Variants in CDYL2 observed in about 807,000 individuals in gnomAD.
CDYL2 encodes the protein chromodomain Y-like protein 2.
Under a neutral mutation model 49.4 loss-of-function variants are expected in CDYL2, and 23 were observed. The observed-to-expected ratio is 0.47, with a 90% CI of 0.34 to 0.66. The LOEUF (loss-of-function observed/expected upper bound fraction) is 0.66, where lower values mean the gene tolerates loss of function less well. Ranked by LOEUF, CDYL2 falls within the 30% of genes least tolerant of loss-of-function variation. The probability of loss-of-function intolerance (pLI) is 0.01; values close to 1 mark genes in which losing one functional copy is unlikely to be tolerated. For synonymous variants in CDYL2, 360 were observed against 268.8 expected (o/e 1.34, Z -3.32); for missense variants, 678 against 656.4 (o/e 1.03, Z -0.36).
At chr16:80,683,634 C>T (rs1910057588) in intron 2 of CDYL2, among the ~76,000 whole-genome samples, 1 of 152,170 alleles carries the variant, frequency 6.6e-6, no homozygotes, top group Non-Finnish European at 1.5e-5. Context: ...TATGTTCTGC[C>T]AAATTTCATA....
chr16:80,691,892 A>C (rs1237242808), intron 1 of CDYL2, among the ~76,000 whole-genome samples: 1 of 152,204 alleles, frequency 6.6e-6, no homozygotes, highest in South Asian at 2.1e-4. Flanking sequence ...GAGAAAACGC[A>C]AGCAAGGGAA....
chr16:80,693,146 G>T (rs889172029), intron 1 of CDYL2, among the ~76,000 whole-genome samples: 3 of 151,528 alleles, frequency 2.0e-5, no homozygotes, highest in Non-Finnish European at 4.4e-5. Flanking sequence ...GCGGGGTGGG[G>T]GTGAGAGTGA....
chr16:80,661,819 G>C (rs1909055551), intron 2 of CDYL2, among the ~76,000 whole-genome samples: 2 of 152,172 alleles, frequency 1.3e-5, no homozygotes, highest in African/African-American at 4.8e-5. Flanking sequence ...CCTGCTTGAA[G>C]ACCCTACCAG....
chr16:80,718,393 A>G (rs1292931457), intron 1 of CDYL2, among the ~76,000 whole-genome samples: 6 of 152,190 alleles, frequency 3.9e-5, no homozygotes, highest in Admixed American at 6.5e-5. Flanking sequence ...CCTCACATCA[A>G]CCCACTGAAG....
chr16:80,758,093 A>G (rs1331618173), intron 1 of CDYL2, among the ~76,000 whole-genome samples: 1 of 152,188 alleles, frequency 6.6e-6, no homozygotes, highest in African/African-American at 2.4e-5. Context: ...AAAAAAATCA[A>G]AAGTCCAGAA....
At chr16:80,617,391 A>T (rs1906878988) in intron 4 of CDYL2, among the ~76,000 whole-genome samples, 1 of 152,242 alleles carries the variant, frequency 6.6e-6, no homozygotes, top group African/African-American at 2.4e-5. Flanking sequence ...TTCTTTCACA[A>T]GAGACTTCTT....
chr16:80,707,675 G>A (rs765697533), intron 1 of CDYL2, among the ~76,000 whole-genome samples: 6 of 152,094 alleles, frequency 3.9e-5, no homozygotes, highest in African/African-American at 1.4e-4. Context: ...CAGATCCAAT[G>A]CTTAAGTCAT....
intron 1 of CDYL2, among the ~76,000 whole-genome samples, chr16:80,687,174 C>G (rs943241477): frequency 6.6e-6 from 1 of 152,222 alleles, no homozygotes; most frequent in Non-Finnish European, 1.5e-5. Context: ...CCTGAAACAG[C>G]AGCATTTGTG....
chr16:80,759,540 G>C (rs1025305498), intron 1 of CDYL2, among the ~76,000 whole-genome samples: 1 of 152,066 alleles, frequency 6.6e-6, no homozygotes, highest in Non-Finnish European at 1.5e-5. Context: ...TGAATCAGTG[G>C]GCAGGAAAAG....
intron 1 of CDYL2, among the ~76,000 whole-genome samples, chr16:80,801,598 A>G (rs1374593442): frequency 3.3e-5 from 5 of 152,250 alleles, no homozygotes; most frequent in Non-Finnish European, 5.9e-5. Context: ...TCTTGAGTAG[A>G]GATTGCGAGA....
At chr16:80,792,738 C>T (rs1213169327) in intron 1 of CDYL2, among the ~76,000 whole-genome samples, 1 of 152,086 alleles carries the variant, frequency 6.6e-6, no homozygotes, top group East Asian at 1.9e-4. Flanking sequence ...TTTTCAGGGT[C>T]GATGTGCCCA....
intron 1 of CDYL2, among the ~76,000 whole-genome samples, chr16:80,789,975 C>T (rs1907557933): frequency 6.6e-6 from 1 of 152,120 alleles, no homozygotes; most frequent in Non-Finnish European, 1.5e-5. Context: ...ATGATGGCTA[C>T]ACTAGAAACG....
chr16:80,781,162 T>C (rs1163428332), intron 1 of CDYL2, among the ~76,000 whole-genome samples: 2 of 152,092 alleles, frequency 1.3e-5, no homozygotes, highest in Non-Finnish European at 2.9e-5. Flanking sequence ...ACAATACACA[T>C]CACATCAGAA....
In CDYL2 at chr16:80,665,177, A is replaced by T. The variant is rs140823655; in HGVS notation, c.616+19361T>A. On this transcript the variant is annotated intron_variant, in intron 2 of 6. Coordinates refer to ENST00000570137, the MANE Select transcript of CDYL2 (RefSeq NM_152342.4). ...TTTTCTACAAATCTTCTTAATTAAAATATAGTTCTCACTGTCTAGAACACT... is the reference window on the plus strand; with the variant it reads ...TTTTCTACAAATCTTCTTAATTAAATTATAGTTCTCACTGTCTAGAACACT... 4.1e-3 allele frequency among the ~76,000 whole-genome samples: 620 copies of T among 152,276 alleles called. 4 individuals carry two copies. The highest frequency in any genetic ancestry group is 0.014 in the African/African-American group (594 of 41,540).
At chr16:80,760,782 G>T (rs182523868) in intron 1 of CDYL2, among the ~76,000 whole-genome samples, 1 of 151,708 alleles carries the variant, frequency 6.6e-6, no homozygotes, top group East Asian at 1.9e-4. Context: ...CTAGAATGCA[G>T]GATAGATGAA....
chr16:80,668,285 G>C (rs903379706), intron 2 of CDYL2, among the ~76,000 whole-genome samples: 26 of 152,282 alleles, frequency 1.7e-4, no homozygotes, highest in African/African-American at 5.3e-4. Context: ...TCTTTACTCG[G>C]ATGTCAACTT....
chr16:80,797,421 A>G (rs934991931), intron 1 of CDYL2, among the ~76,000 whole-genome samples: 1 of 152,172 alleles, frequency 6.6e-6, no homozygotes, highest in Admixed American at 6.5e-5. Flanking sequence ...GGGAGGGGAA[A>G]CTGCAGCTGA....
At chr16:80,730,227 A>G (rs1198897112) in intron 1 of CDYL2, among the ~76,000 whole-genome samples, 1 of 152,234 alleles carries the variant, frequency 6.6e-6, no homozygotes, top group Non-Finnish European at 1.5e-5. Flanking sequence ...AGAAAAAAAG[A>G]GAGAAGAATC....
chr16:80,710,607 TGTGTGTAAACAG>T (rs1277095474), intron 1 of CDYL2, among the ~76,000 whole-genome samples: 3 of 152,204 alleles, frequency 2.0e-5, no homozygotes, highest in Non-Finnish European at 4.4e-5. Flanking sequence ...AAAATAAAAA[TGTGTGTAAACAG>T]GTTAACTGTA....
Sources: gnomAD v4.1 joint callset for allele counts (sites outside exome capture counted in the v4.1 genomes callset) on GRCh38, gnomAD v4.1.1 for gene constraint, MANE v1.5 for transcripts, NCBI Gene and HGNC (gene_info 2026-07-23, HGNC 2026-07-21) for gene names.